The following PCDH11X variants were observed in gnomAD, a reference collection of about 807,000 sequenced individuals.
PCDH11X encodes protocadherin-11 X-linked.
PCDH11X carries 18 observed loss-of-function variants against 53.3 expected under a neutral mutation model. That is an observed-to-expected ratio of 0.34 (90% CI 0.23 to 0.50). The LOEUF (loss-of-function observed/expected upper bound fraction) is 0.50. Ranked by LOEUF, PCDH11X falls within the 20% of genes least tolerant of loss-of-function variation. The pLI, the probability that PCDH11X is intolerant of heterozygous loss-of-function variation, is 0.98. For synonymous variants in PCDH11X, 279 were observed against 393.3 expected, an observed-to-expected ratio of 0.71 and a Z score of 3.44; for missense variants, 570 against 1,032.4, an observed-to-expected ratio of 0.55 and a Z score of 6.14.
Position 92,456,769 on chromosome X carries a change from G to A in PCDH11X, c.3344-11530G>A, listed in dbSNP as rs190663168. On this transcript the variant is annotated intron_variant, in intron 9 of 10. Transcript: ENST00000682573. Reference sequence around the variant, plus strand: ...TTTGAAATAGCTTGCTTGTATTTTCGCTTCCTCTTCATGTTTGTGGCACTG... The same window carrying A: ...TTTGAAATAGCTTGCTTGTATTTTCACTTCCTCTTCATGTTTGTGGCACTG... Among the ~76,000 whole-genome samples, 93 of 110,857 alleles carry A rather than the reference G, an allele frequency of 8.4e-4. 1 individual carries two copies. In the South Asian group the frequency reaches 0.013, roughly 15 times the overall value.
At chrX:92,038,831 G>A (rs1317665731) in intron 6 of PCDH11X, among the ~76,000 whole-genome samples, 2 of 108,682 alleles carry the variant, frequency 1.8e-5, no homozygotes, top group East Asian at 2.9e-4. Flanking sequence ...AAAAATGAGA[G>A]TTTGCCTGCA....
At position 91,946,599 on chromosome X, in the gene PCDH11X, A is replaced by ATATATG. The variant is rs58031232; in HGVS notation, c.3033+67326_3033+67327insTATATG. On this transcript the variant is annotated intron_variant, in intron 6 of 10. Transcript: ENST00000682573. ...TATATATATATATATATATATATAT[A>ATATATG]GCTATTTAAAATAATGTACTAGGAA... is the stretch of plus-strand genomic sequence containing the variant. 1.1e-3 allele frequency among the ~76,000 whole-genome samples: 82 copies of ATATATG among 76,076 alleles called. 2 individuals are homozygous for ATATATG. The highest frequency in any genetic ancestry group is 2.0e-3 in the African/African-American group (39 of 19,562). 66.1% of individuals were successfully genotyped at this position (76,076 alleles called of 115,157 possible).
chrX:92,570,514 A>G (rs1223983340), intron 10 of PCDH11X, among the ~76,000 whole-genome samples: 2 of 107,899 alleles, frequency 1.9e-5, no homozygotes, highest in Non-Finnish European at 3.8e-5. Context: ...ACAAAACTGT[A>G]ACTCTTCACT....
intron 6 of PCDH11X, among the ~76,000 whole-genome samples, chrX:92,045,259 A>C (rs1216719187): frequency 9.5e-6 from 1 of 105,304 alleles, no homozygotes; most frequent in African/African-American, 3.5e-5. Flanking sequence ...GCAGATAAGA[A>C]ACAAAGGCAT....
chrX:92,595,239 A>G (rs1372837069), intron 10 of PCDH11X, among the ~76,000 whole-genome samples: 17 of 109,232 alleles, frequency 1.6e-4, no homozygotes, highest in Non-Finnish European at 5.7e-5. Flanking sequence ...GCCATGTGGT[A>G]AGTAAAGAAT....
intron 5 of PCDH11X, among the ~76,000 whole-genome samples, chrX:91,838,716 G>A (rs1263980390): frequency 4.6e-5 from 5 of 108,777 alleles, no homozygotes; most frequent in Non-Finnish European, 9.5e-5. Flanking sequence ...AATAGGATGA[G>A]AATTTAATTA....
chrX:92,314,902 G>A (rs1483645892), intron 8 of PCDH11X, among the ~76,000 whole-genome samples: 1 of 111,686 alleles, frequency 9.0e-6, no homozygotes, highest in Non-Finnish European at 1.9e-5. Flanking sequence ...AAAGTACAAT[G>A]TTTGAAGACC....
chrX:92,282,987 G>A lies in PCDH11X; in HGVS notation c.3144+19844G>A, dbSNP rs759401824. 2.9e-3 allele frequency among the ~76,000 whole-genome samples: 327 copies of A among 110,961 alleles called. 3 individuals carry two copies. Among genetic ancestry groups the A allele is most frequent in the Non-Finnish European group, 5.4e-3 (284 of 52,799 alleles). ...TCTATCTATAGATCTATTATTGCTC[G>A]AATTTATTGAGCTCATGTCATGTGC... On this transcript the variant is annotated intron_variant, in intron 8 of 10. Coordinates refer to ENST00000682573, the MANE Select transcript of PCDH11X (RefSeq NM_032968.5).
At chrX:92,215,597 C>G (rs1177402341) in intron 7 of PCDH11X, among the ~76,000 whole-genome samples, 1 of 30,405 alleles carries the variant, frequency 3.3e-5, no homozygotes, top group African/African-American at 8.0e-5. Context: ...GGCCTGCCTG[C>G]CTCTGTAGGC....
At chrX:92,319,262 A>C (rs1476431595) in intron 8 of PCDH11X, among the ~76,000 whole-genome samples, 2 of 111,831 alleles carry the variant, frequency 1.8e-5, no homozygotes, top group Admixed American at 1.9e-4. Flanking sequence ...TTCCTCTATC[A>C]ATTGGTCATT....
intron 7 of PCDH11X, among the ~76,000 whole-genome samples, chrX:92,252,364 T>A (rs1164527327): frequency 1.1e-4 from 11 of 97,773 alleles, no homozygotes; most frequent in African/African-American, 5.0e-4. Context: ...AAGCTTCTAG[T>A]TTGTCATGTT....
chrX:91,925,649 AGATT>A (rs1941920180), intron 6 of PCDH11X, among the ~76,000 whole-genome samples: 1 of 110,918 alleles, frequency 9.0e-6, no homozygotes, highest in Non-Finnish European at 1.9e-5. Context: ...AAAAGCAGAT[AGATT>A]GTTTCCAAAT....
At chrX:92,403,195 C>T (rs1240718517) in intron 9 of PCDH11X, among the ~76,000 whole-genome samples, 1 of 109,735 alleles carries the variant, frequency 9.1e-6, no homozygotes, top group East Asian at 2.9e-4. Context: ...TAATTTTCAC[C>T]TAGATCTTCA....
chrX:91,864,208 C>G (rs2147695980), intron 5 of PCDH11X, among the ~76,000 whole-genome samples: 1 of 110,779 alleles, frequency 9.0e-6, no homozygotes. Context: ...CAGCTTTTGT[C>G]TGGGGAAATA....
intron 1 of PCDH11X, among the ~76,000 whole-genome samples, chrX:91,794,052 T>C (rs1935649199): frequency 8.9e-6 from 1 of 112,076 alleles, no homozygotes; most frequent in Admixed American, 9.5e-5. Context: ...CTTAAAAATA[T>C]AAATGATGAC....
intron 6 of PCDH11X, among the ~76,000 whole-genome samples, chrX:92,092,063 A>C (rs1340261741): frequency 9.0e-6 from 1 of 111,425 alleles, no homozygotes. Context: ...ATTGGAAAGT[A>C]AGTCAAGATA....
At chrX:92,132,117 CA>C (rs1213410170) in intron 6 of PCDH11X, among the ~76,000 whole-genome samples, 285 of 41,076 alleles carry the variant, frequency 6.9e-3, no homozygotes, top group African/African-American at 0.015. Flanking sequence ...ACTAAAAATA[CA>C]AAAAAAAAAA....
At chrX:92,541,772 A>G (rs1432187489) in intron 10 of PCDH11X, among the ~76,000 whole-genome samples, 4 of 108,807 alleles carry the variant, frequency 3.7e-5, no homozygotes, top group African/African-American at 1.0e-4. Flanking sequence ...CTTGGTCAAC[A>G]TGGTGAAACC....
chrX:91,947,286 C>T (rs1355867832), intron 6 of PCDH11X, among the ~76,000 whole-genome samples: 1 of 108,896 alleles, frequency 9.2e-6, no homozygotes, highest in Non-Finnish European at 1.9e-5. Flanking sequence ...AATCTTGATG[C>T]GAAGGGCATA....
Sources: allele counts gnomAD v4.1 joint callset (sites outside exome capture counted in the v4.1 genomes callset), GRCh38; gene constraint gnomAD v4.1.1; transcripts MANE v1.5; gene names NCBI Gene and HGNC (gene_info 2026-07-23, HGNC 2026-07-21).